PRDM16: variants seen among roughly 807,000 people sequenced by gnomAD.
PRDM16 encodes PR/SET domain 16, also known as histone-lysine N-methyltransferase PRDM16.
In PRDM16, 23 loss-of-function variants were observed where a neutral mutation model predicts 110.6. That is an observed-to-expected ratio of 0.21 (90% confidence interval 0.15 to 0.29). The LOEUF (loss-of-function observed/expected upper bound fraction) is 0.29, where lower values mean the gene tolerates loss of function less well. Among genes scored for constraint, PRDM16 ranks in the 10% least tolerant of loss-of-function variants. The pLI is 1.00. For missense variants in PRDM16, 1,615 were observed against 1,794.3 expected, an observed-to-expected ratio of 0.90 and a Z score of 1.81; for synonymous variants, 799 against 781.8, an observed-to-expected ratio of 1.02 and a Z score of -0.37.
rs1054548639 is a variant in PRDM16, at chr1:3,255,367, G to A, written c.438+11230G>A. ...CCCACAGTGGGGTCCTGAGGGTCGCGTGCAGCACACAGCCTCCCAGACGGC... is the reference window on the plus strand; with the variant it reads ...CCCACAGTGGGGTCCTGAGGGTCGCATGCAGCACACAGCCTCCCAGACGGC... On this transcript the variant is annotated intron_variant, in intron 3 of 16. Coordinates refer to ENST00000270722, the MANE Select transcript of PRDM16 (RefSeq NM_022114.4). This position sits in a 1 kb window ranked among gnomAD's most constrained non-coding sequence, Gnocchi z 4.7. Among the ~76,000 whole-genome samples, 7 of 152,120 alleles carry A rather than the reference G, an allele frequency of 4.6e-5. No homozygotes were observed. Among genetic ancestry groups the A allele is most frequent in the South Asian group, 2.1e-4 (1 of 4,820 alleles).
chr1:3,412,219 C>A lies in PRDM16; in HGVS notation c.2022C>A (p.Phe674Leu), dbSNP rs945579017. Reference sequence around the variant, plus strand: ...CTGTCTTCTATTCCCAGCACTCATTCTTCCCGCCACCCGACGAGCAGCTGC... The same window carrying A: ...CTGTCTTCTATTCCCAGCACTCATTATTCCCGCCACCCGACGAGCAGCTGC... The part of the protein sequence containing the change: ...EVPVFYSQHS[F>L]FPPPDEQLLT... Residue 674 changes from phenylalanine to leucine, a missense_variant, in exon 9 of 17, where the codon TTC becomes TTA. Phe to Leu is a conservative substitution (Grantham distance 22). This residue lies in a region of PRDM16 where 772 missense variants were observed against 748.3 expected (regional missense o/e 1.03). Coordinates refer to ENST00000270722, the MANE Select transcript of PRDM16 (RefSeq NM_022114.4). The A allele has an allele frequency of 1.2e-6, 2 of 1,607,510 alleles. No individual in the cohort carries two copies. The highest frequency in any genetic ancestry group is 1.7e-6 in the Non-Finnish European group (2 of 1,175,622).
chr1:3,234,842 C>T (rs1255559053), intron 2 of PRDM16, among the ~76,000 whole-genome samples: 1 of 152,278 alleles, frequency 6.6e-6, no homozygotes, highest in Non-Finnish European at 1.5e-5. Context: ...TGGTGCCTGA[C>T]ACCCACCTTT....
rs553138558 is a variant in PRDM16, at chr1:3,217,725, T to C, written c.388-26362T>C. Among the ~76,000 whole-genome samples the C allele has an allele frequency of 3.9e-5, 6 of 152,338 alleles. No homozygotes were observed. The East Asian group carries it at 1.2e-3, about 29-fold the overall frequency. ...TGCCGTGCATCCCGGTAGATCTTTTTTTTCAACACGGGAGAGCTCTTGAGA... is the reference window on the plus strand; with the variant it reads ...TGCCGTGCATCCCGGTAGATCTTTTCTTTCAACACGGGAGAGCTCTTGAGA... On this transcript the variant is annotated intron_variant, in intron 2 of 16. Transcript: ENST00000270722.
intron 1 of PRDM16, among the ~76,000 whole-genome samples, chr1:3,127,743 G>A (rs1301347777): frequency 6.6e-6 from 1 of 152,246 alleles, no homozygotes; most frequent in Non-Finnish European, 1.5e-5. Context: ...CTGAGCGAGA[G>A]GCCGGTTTGC....
At position 3,205,819 on chromosome 1, in the gene PRDM16, T is replaced by A. The variant is rs967243128; in HGVS notation, c.387+19345T>A. On this transcript the variant is annotated intron_variant, in intron 2 of 16. Transcript: ENST00000270722. ...TGCCCCAGGGGCAGCTGATCTGAGT[T>A]CAAGTTGCATCCCCTGCCTCTTCAC... is the stretch of plus-strand genomic sequence containing the variant. 1.3e-4 allele frequency among the ~76,000 whole-genome samples: 19 copies of A among 151,940 alleles called. No homozygotes were observed. In the East Asian group the frequency reaches 3.5e-3, roughly 28 times the overall value.
intron 1 of PRDM16, among the ~76,000 whole-genome samples, chr1:3,146,268 TG>T (rs892480235): frequency 1.2e-4 from 18 of 152,000 alleles, no homozygotes; most frequent in South Asian, 2.1e-4. Flanking sequence ...TCATCTGGGG[TG>T]GGGGGGGCCT....
At chr1:3,114,317 A>G (rs1043728754) in intron 1 of PRDM16, among the ~76,000 whole-genome samples, 1 of 149,354 alleles carries the variant, frequency 6.7e-6, no homozygotes, top group Non-Finnish European at 1.5e-5. Flanking sequence ...ACACACACGC[A>G]CACACGCAGT....
chr1:3,345,070 C>T (rs1642335949), intron 3 of PRDM16, among the ~76,000 whole-genome samples: 8 of 152,342 alleles, frequency 5.3e-5, no homozygotes, highest in Middle Eastern at 3.4e-3. Context: ...GACAGCCTCA[C>T]ACTGCATCCT....
intron 3 of PRDM16, among the ~76,000 whole-genome samples, chr1:3,329,098 A>AT: frequency 6.6e-6 from 1 of 151,944 alleles, no homozygotes; most frequent in East Asian, 1.9e-4. Flanking sequence ...TCTTCCACTC[A>AT]CCACCTCTGC....
intron 2 of PRDM16, among the ~76,000 whole-genome samples, chr1:3,223,852 CA>C (rs1639227729): frequency 6.6e-6 from 1 of 152,198 alleles, no homozygotes; most frequent in Admixed American, 6.5e-5. Flanking sequence ...TCTCATCACC[CA>C]CCTTGTCCAC....
At chr1:3,258,569 G>A (rs964048590) in intron 3 of PRDM16, among the ~76,000 whole-genome samples, 6 of 152,218 alleles carry the variant, frequency 3.9e-5, no homozygotes, top group African/African-American at 9.6e-5. Context: ...AAAGCAAGAC[G>A]TATTATTTTA....
chr1:3,302,005 T>C (rs1641218517), intron 3 of PRDM16, among the ~76,000 whole-genome samples: 1 of 152,202 alleles, frequency 6.6e-6, no homozygotes, highest in Non-Finnish European at 1.5e-5. Context: ...TTTGTTCTGT[T>C]GATATAAGTA....
intron 1 of PRDM16, among the ~76,000 whole-genome samples, chr1:3,134,937 C>G (rs993628971): frequency 6.6e-6 from 1 of 152,164 alleles, no homozygotes; most frequent in African/African-American, 2.4e-5. Flanking sequence ...ATTAGACGGC[C>G]GAGCTGCTGG....
intron 1 of PRDM16, among the ~76,000 whole-genome samples, chr1:3,130,706 C>T (rs750429852): frequency 1.3e-5 from 2 of 151,522 alleles, no homozygotes; most frequent in South Asian, 4.2e-4. Flanking sequence ...CCATTACAGA[C>T]GGATGTCACC....
chr1:3,225,573 T>TGTGTGTGTGCGCGC (rs1336272072), intron 2 of PRDM16, among the ~76,000 whole-genome samples: 10 of 129,802 alleles, frequency 7.7e-5, no homozygotes, highest in African/African-American at 2.7e-4. Flanking sequence ...TGTGTGTGTG[T>TGTGTGTGTGCGCGC]GCGCGCGCGC....
At chr1:3,097,820 G>A (rs1461241341) in intron 1 of PRDM16, among the ~76,000 whole-genome samples, 1 of 152,136 alleles carries the variant, frequency 6.6e-6, no homozygotes, top group African/African-American at 2.4e-5. Context: ...GATCCCAGGG[G>A]GGCCCAAGCA....
chr1:3,376,212 G>A (rs1016782280), intron 3 of PRDM16, among the ~76,000 whole-genome samples: 11 of 152,170 alleles, frequency 7.2e-5, no homozygotes, highest in African/African-American at 2.2e-4. Context: ...GGGTGTCTCC[G>A]TGATTTCTGG....
intron 5 of PRDM16, among the ~76,000 whole-genome samples, chr1:3,397,276 C>T (rs1444469943): frequency 6.6e-6 from 1 of 152,228 alleles, no homozygotes; most frequent in Admixed American, 6.5e-5. Context: ...TGTGGGAAGC[C>T]TTCCAAATTT....
At chr1:3,232,326 T>C (rs989038287) in intron 2 of PRDM16, among the ~76,000 whole-genome samples, 5 of 152,194 alleles carry the variant, frequency 3.3e-5, no homozygotes, top group South Asian at 2.1e-4. Flanking sequence ...CCCTGTGACA[T>C]TGGACGACTT....
Sources: allele counts gnomAD v4.1 joint callset (sites outside exome capture counted in the v4.1 genomes callset), GRCh38; gene constraint gnomAD v4.1.1; regional missense constraint gnomAD v4.1.1; non-coding constraint Gnocchi (gnomAD v3.1); transcripts MANE v1.5; gene names NCBI Gene and HGNC (gene_info 2026-07-23, HGNC 2026-07-21).